Variants in RSRC1 observed in about 807,000 individuals in gnomAD.
RSRC1 encodes the protein serine/Arginine-related protein 53.
A neutral mutation model predicts 49.1 loss-of-function variants in RSRC1; 39 were observed. The observed-to-expected ratio is 0.79, with a 90% CI of 0.61 to 1.04. RSRC1 has a LOEUF of 1.04. RSRC1 is among the 50% of genes least tolerant of loss of function. The pLI is 0.00. For missense variants in RSRC1, 388 were observed against 402.4 expected (o/e 0.96, Z 0.31); for synonymous variants, 143 against 130.8 (o/e 1.09, Z -0.63).
At chr3:158,517,401 G>T (rs1389136345) in intron 7 of RSRC1, among the ~76,000 whole-genome samples, 1 of 152,002 alleles carries the variant, frequency 6.6e-6, no homozygotes, top group Non-Finnish European at 1.5e-5. Context: ...AATAGAAATG[G>T]TGATAGCTAG....
chr3:158,439,830 T>TA (rs977053265), intron 6 of RSRC1, among the ~76,000 whole-genome samples: 2 of 151,226 alleles, frequency 1.3e-5, no homozygotes, highest in Non-Finnish European at 1.5e-5. Flanking sequence ...TTAAAAATAA[T>TA]AAAAAAAGGT....
At position 158,465,326 on chromosome 3, in the gene RSRC1, C is replaced by T. The variant is rs1401529630; in HGVS notation, c.652+4323C>T. On this transcript the variant is annotated intron_variant, in intron 7 of 9. Coordinates refer to ENST00000611884, the MANE Select transcript of RSRC1 (RefSeq NM_001271838.2). ...CTTTCTCTGAGGTTTTGCCTGGCCCCGTGCTTTGTAGTTTCTAGCATAAAA... is the reference window on the plus strand; with the variant it reads ...CTTTCTCTGAGGTTTTGCCTGGCCCTGTGCTTTGTAGTTTCTAGCATAAAA... Among the ~76,000 whole-genome samples the T allele has an allele frequency of 3.3e-5, 5 of 152,088 alleles. No individual in the cohort carries two copies. The East Asian group carries it at 5.8e-4, about 18-fold the overall frequency.
chr3:158,401,995 A>C (rs1193830398), intron 6 of RSRC1, among the ~76,000 whole-genome samples: 2 of 151,950 alleles, frequency 1.3e-5, no homozygotes, highest in Non-Finnish European at 2.9e-5. Context: ...AATTTTATGC[A>C]GGTGTAGAGG....
At chr3:158,348,695 T>C (rs952781229) in intron 5 of RSRC1, among the ~76,000 whole-genome samples, 36 of 152,214 alleles carry the variant, frequency 2.4e-4, no homozygotes, top group Admixed American at 7.9e-4. Flanking sequence ...ATATTGGACA[T>C]TGTACTCAGT....
At chr3:158,518,117 TGTGTGTGTG>T (rs1740680973) in intron 7 of RSRC1, among the ~76,000 whole-genome samples, 2 of 76,826 alleles carry the variant, frequency 2.6e-5, no homozygotes, top group Admixed American at 1.4e-4. Context: ...TGTGTGTGTG[TGTGTGTGTG>T]TATATATATA....
Position 158,388,097 on chromosome 3 carries a change from G to C in RSRC1, c.583+33189G>C, listed in dbSNP as rs907120908. Among the ~76,000 whole-genome samples, 41 of 152,032 alleles carry C rather than the reference G, an allele frequency of 2.7e-4. 1 individual carries two copies. The highest frequency in any genetic ancestry group is 9.4e-4 in the African/African-American group (39 of 41,524). On this transcript the variant is annotated intron_variant, in intron 6 of 9. Coordinates refer to ENST00000611884, the MANE Select transcript of RSRC1 (RefSeq NM_001271838.2). ...CTTATTTACCTAGTGCAATATTCCA[G>C]TTGTTGATCTTTGTAAGACATTGGC...
chr3:158,203,129 C>T lies in RSRC1; in HGVS notation c.378C>T (p.His126=). 2 of 1,613,724 alleles carry T rather than the reference C, an allele frequency of 1.2e-6. No individual in the cohort carries two copies. The highest frequency in any genetic ancestry group is 1.7e-6 in the Non-Finnish European group (2 of 1,179,820). ...SHSRSSERSS[H]RRTRSRSRDR... is the part of the protein sequence containing the mutation. ...GTCGTAGCAGTGAAAGGTCCAGTCA[C>T]AGAAGAACGCGTAGTCGGTCTCGGG... The change falls in exon 4 of 10, where the codon CAC becomes CAT. Residue 126 remains histidine, a synonymous_variant. Coordinates refer to ENST00000611884, the MANE Select transcript of RSRC1 (RefSeq NM_001271838.2).
chr3:158,218,996 A>G (rs1722096588), intron 4 of RSRC1, among the ~76,000 whole-genome samples: 1 of 151,658 alleles, frequency 6.6e-6, no homozygotes, highest in Non-Finnish European at 1.5e-5. Flanking sequence ...GTGCTGTGAC[A>G]GAAGATGCCC....
intron 5 of RSRC1, among the ~76,000 whole-genome samples, chr3:158,301,068 G>A (rs1403849528): frequency 6.6e-6 from 1 of 152,068 alleles, no homozygotes; most frequent in Non-Finnish European, 1.5e-5. Context: ...CACTGATTCA[G>A]CCTCTCTGTT....
chr3:158,363,885 G>T (rs1483049253), intron 6 of RSRC1, among the ~76,000 whole-genome samples: 1 of 152,190 alleles, frequency 6.6e-6, no homozygotes, highest in African/African-American at 2.4e-5. Context: ...AGCTATGGAA[G>T]TGAATTTTAG....
intron 4 of RSRC1, among the ~76,000 whole-genome samples, chr3:158,253,151 T>C (rs1452503233): frequency 6.6e-6 from 1 of 152,038 alleles, no homozygotes; most frequent in East Asian, 1.9e-4. Context: ...TTTTGCTTTA[T>C]GATGTATCGC....
At chr3:158,215,578 A>G (rs1279949864) in intron 4 of RSRC1, among the ~76,000 whole-genome samples, 1 of 151,172 alleles carries the variant, frequency 6.6e-6, no homozygotes, top group African/African-American at 2.4e-5. Context: ...CCTTTCCTAT[A>G]TTTTTATGGG....
At chr3:158,307,660 T>G (rs1446832622) in intron 5 of RSRC1, among the ~76,000 whole-genome samples, 1 of 151,804 alleles carries the variant, frequency 6.6e-6, no homozygotes, top group Non-Finnish European at 1.5e-5. Context: ...AAGGGGATAG[T>G]TCTAGACAAA....
intron 7 of RSRC1, among the ~76,000 whole-genome samples, chr3:158,499,335 C>A (rs1038042379): frequency 6.6e-6 from 1 of 152,070 alleles, no homozygotes; most frequent in Non-Finnish European, 1.5e-5. Context: ...CGAGATTGTG[C>A]CACTGCACTC....
intron 3 of RSRC1, among the ~76,000 whole-genome samples, chr3:158,152,529 A>G (rs976350457): frequency 3.3e-5 from 5 of 152,186 alleles, no homozygotes; most frequent in Non-Finnish European, 7.4e-5. Flanking sequence ...TATTTTGAAA[A>G]TAATAAAAGC....
chr3:158,391,418 T>C (rs907778512), intron 6 of RSRC1, among the ~76,000 whole-genome samples: 2 of 152,306 alleles, frequency 1.3e-5, no homozygotes, highest in South Asian at 4.1e-4. Flanking sequence ...AGTTTCCATA[T>C]TGAAAATGCC....
At chr3:158,507,583 T>A (rs1261220684) in intron 7 of RSRC1, among the ~76,000 whole-genome samples, 1 of 152,082 alleles carries the variant, frequency 6.6e-6, no homozygotes, top group Non-Finnish European at 1.5e-5. Context: ...TAAATGTTGT[T>A]CTGAAAAAAA....
intron 7 of RSRC1, among the ~76,000 whole-genome samples, chr3:158,483,030 A>G (rs1487988288): frequency 6.6e-6 from 1 of 152,024 alleles, no homozygotes; most frequent in African/African-American, 2.4e-5. Flanking sequence ...CCTGAGCTTC[A>G]GATTAGAGAC....
chr3:158,303,369 G>GA (rs1727673468), intron 5 of RSRC1: 1 of 152,184 alleles, frequency 6.6e-6, no homozygotes, highest in Non-Finnish European at 1.5e-5. Context: ...TCAGTATGAT[G>GA]TTTCTAAAGC....
Sources: gnomAD v4.1 joint callset for allele counts (sites outside exome capture counted in the v4.1 genomes callset) on GRCh38, gnomAD v4.1.1 for gene constraint, MANE v1.5 for transcripts, NCBI Gene and HGNC (gene_info 2026-07-23, HGNC 2026-07-21) for gene names.